The following DSCAML1 variants were observed in gnomAD, a reference collection of about 807,000 sequenced individuals.
DSCAML1 encodes the protein cell adhesion molecule DSCAML1.
DSCAML1 carries 38 observed loss-of-function variants against 200.5 expected under a neutral mutation model. That is an observed-to-expected ratio of 0.19 (90% CI 0.15 to 0.25). The LOEUF is 0.25. Ranked by LOEUF, DSCAML1 falls within the 10% of genes least tolerant of loss-of-function variation. The pLI is 1.00. For synonymous variants in DSCAML1, 1,215 were observed against 1,165.0 expected (o/e 1.04, Z -0.87); for missense variants, 2,223 against 2,858.8 (o/e 0.78, Z 5.07).
At chr11:117,678,407 T>C (rs1205653469) in intron 3 of DSCAML1, among the ~76,000 whole-genome samples, 2 of 152,236 alleles carry the variant, frequency 1.3e-5, no homozygotes, top group Non-Finnish European at 2.9e-5. Context: ...GACATGAGGA[T>C]ATGGCAAAGA....
rs575418887 is a variant in DSCAML1, at chr11:117,505,919, G to A, written c.1784-187C>T. Reference sequence around the variant, plus strand: ...ATGCCTGGCTCCTGTCCCTCTGCCCGCCCAGGCTGGGACCCACTGTCTCTG... The same window carrying A: ...ATGCCTGGCTCCTGTCCCTCTGCCCACCCAGGCTGGGACCCACTGTCTCTG... On this transcript the variant is annotated intron_variant, in intron 8 of 32. Transcript: ENST00000651296. This position sits in a 1 kb window ranked among gnomAD's most constrained non-coding sequence, Gnocchi z 6.7. Among the ~76,000 whole-genome samples the A allele has an allele frequency of 6.6e-5, 10 of 152,308 alleles. No homozygotes were observed. Among genetic ancestry groups the A allele is most frequent in the African/African-American group, 2.4e-4 (10 of 41,568 alleles).
At chr11:117,619,520 G>A (rs1330186935) in intron 3 of DSCAML1, among the ~76,000 whole-genome samples, 1 of 152,172 alleles carries the variant, frequency 6.6e-6, no homozygotes, top group African/African-American at 2.4e-5. Flanking sequence ...AAGATTTGGA[G>A]GAAAATGGAA....
chr11:117,713,364 C>T (rs555499634), intron 3 of DSCAML1, among the ~76,000 whole-genome samples: 32 of 152,322 alleles, frequency 2.1e-4, no homozygotes, highest in Middle Eastern at 3.4e-3. Flanking sequence ...AATCCACCCG[C>T]CTTGACCTCC....
intron 8 of DSCAML1, among the ~76,000 whole-genome samples, chr11:117,510,100 T>G (rs1319942943): frequency 1.3e-5 from 2 of 152,236 alleles, no homozygotes; most frequent in East Asian, 1.9e-4. Context: ...AAAGCTTTTA[T>G]GGCCACTTGT....
chr11:117,663,372 C>T (rs1176872330), intron 3 of DSCAML1, among the ~76,000 whole-genome samples: 1 of 152,146 alleles, frequency 6.6e-6, no homozygotes, highest in Non-Finnish European at 1.5e-5. Context: ...AGCCTGGCGC[C>T]CAGGACTCTG....
chr11:117,742,158 A>C lies in DSCAML1; in HGVS notation c.511+34633T>G, dbSNP rs909132246. On this transcript the variant is annotated intron_variant, in intron 3 of 32. Transcript: ENST00000651296. ...GGGTCTAGGAAAGTCTCAGGGATGC[A>C]TGGAGGAGGAATTGCGAAACCCAAT... 2.6e-5 allele frequency among the ~76,000 whole-genome samples: 4 copies of C among 152,216 alleles called. No homozygotes were observed. The East Asian group carries it at 7.7e-4, about 29-fold the overall frequency.
At chr11:117,592,013 G>C (rs540138256) in intron 3 of DSCAML1, among the ~76,000 whole-genome samples, 3 of 152,178 alleles carry the variant, frequency 2.0e-5, no homozygotes, top group Non-Finnish European at 4.4e-5. Flanking sequence ...CCTGGGCCAG[G>C]TTGGGTGACA....
intron 3 of DSCAML1, among the ~76,000 whole-genome samples, chr11:117,687,426 A>ATTTTAATT (rs552784985): frequency 0.032 from 3,118 of 97,780 alleles, 136 homozygotes; most frequent in Middle Eastern, 0.078. Flanking sequence ...ATGCCTGGCT[A>ATTTTAATT]TTTTTTTTTT....
chr11:117,759,128 C>T (rs559694340), intron 3 of DSCAML1, among the ~76,000 whole-genome samples: 2 of 152,350 alleles, frequency 1.3e-5, no homozygotes, highest in South Asian at 4.1e-4. Flanking sequence ...CACCCTGTAG[C>T]AGGATGCTTC....
chr11:117,670,125 C>T (rs1591382615), intron 3 of DSCAML1, among the ~76,000 whole-genome samples: 1 of 152,290 alleles, frequency 6.6e-6, no homozygotes, highest in Non-Finnish European at 1.5e-5. Flanking sequence ...CTGTGTATAC[C>T]TCACAGTATA....
intron 3 of DSCAML1, among the ~76,000 whole-genome samples, chr11:117,552,448 G>T (rs1211704984): frequency 1.3e-5 from 2 of 151,868 alleles, no homozygotes; most frequent in African/African-American, 2.4e-5. Flanking sequence ...CCCTGCCCCC[G>T]AGATGAGCAG....
intron 3 of DSCAML1, among the ~76,000 whole-genome samples, chr11:117,701,622 C>A (rs184304676): frequency 1.0e-3 from 154 of 152,242 alleles, no homozygotes; most frequent in African/African-American, 3.5e-3. Flanking sequence ...GTGGGGGAGG[C>A]CTGTGTTTCC....
intron 3 of DSCAML1, among the ~76,000 whole-genome samples, chr11:117,577,594 C>A (rs1194320752): frequency 7.0e-6 from 1 of 143,464 alleles, no homozygotes; most frequent in Non-Finnish European, 1.5e-5. Flanking sequence ...TTTGACGGAG[C>A]CTCGCTCTGT....
intron 17 of DSCAML1, among the ~76,000 whole-genome samples, chr11:117,462,357 A>G (rs2048497482): frequency 6.6e-6 from 1 of 152,212 alleles, no homozygotes; most frequent in Admixed American, 6.5e-5. Flanking sequence ...GGCGCAGTGC[A>G]GCCTGCCCCT....
At chr11:117,774,550 T>C (rs1192662071) in intron 3 of DSCAML1, among the ~76,000 whole-genome samples, 1 of 151,868 alleles carries the variant, frequency 6.6e-6, no homozygotes, top group Non-Finnish European at 1.5e-5. Context: ...ATGGAGTGAG[T>C]CTTAAATGCA....
chr11:117,787,708 G>A (rs1321589496), intron 1 of DSCAML1, among the ~76,000 whole-genome samples: 1 of 152,178 alleles, frequency 6.6e-6, no homozygotes, highest in East Asian at 1.9e-4. Context: ...TTAATTTGGA[G>A]ATCAAGATAA....
chr11:117,696,261 T>C (rs960325658), intron 3 of DSCAML1, among the ~76,000 whole-genome samples: 9 of 152,164 alleles, frequency 5.9e-5, no homozygotes, highest in African/African-American at 1.9e-4. Context: ...GTTGAGCTGG[T>C]TCCCCCCTGG....
intron 3 of DSCAML1, among the ~76,000 whole-genome samples, chr11:117,692,496 C>T (rs2053514251): frequency 6.6e-6 from 1 of 152,040 alleles, no homozygotes; most frequent in South Asian, 2.1e-4. Context: ...AGATGTTGGT[C>T]AGGATTTTAA....
At chr11:117,592,886 G>A (rs1238441297) in intron 3 of DSCAML1, among the ~76,000 whole-genome samples, 6 of 152,234 alleles carry the variant, frequency 3.9e-5, no homozygotes, top group Admixed American at 6.5e-5. Flanking sequence ...TGGGGCTCAG[G>A]AGGAAGGGCT....
Sources: gnomAD v4.1 joint callset for allele counts (sites outside exome capture counted in the v4.1 genomes callset) on GRCh38, gnomAD v4.1.1 for gene constraint, Gnocchi (gnomAD v3.1) non-coding constraint, MANE v1.5 for transcripts, NCBI Gene and HGNC (gene_info 2026-07-23, HGNC 2026-07-21) for gene names.